STXBP6: variants seen among roughly 807,000 people sequenced by gnomAD.
STXBP6 encodes syntaxin binding protein 6.
In STXBP6, 21 loss-of-function variants were observed where a neutral mutation model predicts 26.9. The ratio of observed to expected loss-of-function variants is 0.78; its 90% CI spans 0.55 to 1.12. The LOEUF is 1.12. Ranked by LOEUF, STXBP6 falls within the 50% of genes most tolerant of loss-of-function variation. The probability of loss-of-function intolerance (pLI) is 0.00; values close to 1 mark genes in which losing one functional copy is unlikely to be tolerated. For synonymous variants in STXBP6, 97 were observed against 92.6 expected (o/e 1.05, Z -0.27); for missense variants, 232 against 257.9 (o/e 0.90, Z 0.69).
At chr14:24,887,034 A>C (rs1481086433) in intron 2 of STXBP6, among the ~76,000 whole-genome samples, 1 of 152,178 alleles carries the variant, frequency 6.6e-6, no homozygotes, top group Non-Finnish European at 1.5e-5. Flanking sequence ...TCCTACCCAA[A>C]GTGACATCAG....
Position 25,027,254 on chromosome 14 carries a change from G to A in STXBP6, c.-33+22624C>T, listed in dbSNP as rs148913879. Among the ~76,000 whole-genome samples the A allele has an allele frequency of 3.5e-4, 53 of 152,194 alleles. No individual in the cohort carries two copies. The East Asian group carries it at 8.5e-3, about 24-fold the overall frequency. Reference sequence around the variant, plus strand: ...CCCAGTGTGAAGCAAGTCTATCAGCGGCATCTTTCCAACAGCATGTGCCCA... The same window carrying A: ...CCCAGTGTGAAGCAAGTCTATCAGCAGCATCTTTCCAACAGCATGTGCCCA... On this transcript the variant is annotated intron_variant, in intron 1 of 5. Coordinates refer to ENST00000323944, the MANE Select transcript of STXBP6 (RefSeq NM_001394410.1).
At chr14:24,925,606 C>T (rs1427536027) in intron 2 of STXBP6, among the ~76,000 whole-genome samples, 1 of 152,186 alleles carries the variant, frequency 6.6e-6, no homozygotes, top group Non-Finnish European at 1.5e-5. Context: ...CATTTCTCCA[C>T]TCTGAAACTT....
chr14:24,985,144 C>A (rs2074299818), intron 1 of STXBP6, among the ~76,000 whole-genome samples: 1 of 152,218 alleles, frequency 6.6e-6, no homozygotes, highest in Non-Finnish European at 1.5e-5. Flanking sequence ...GCATATCATG[C>A]TGGTTCGTTG....
intron 2 of STXBP6, among the ~76,000 whole-genome samples, chr14:24,905,574 T>A (rs2071359150): frequency 6.6e-6 from 1 of 152,146 alleles, no homozygotes; most frequent in African/African-American, 2.4e-5. Context: ...TAACATGCAA[T>A]CTGTGGCTCT....
At chr14:24,831,449 G>T (rs2138912148) in intron 4 of STXBP6, among the ~76,000 whole-genome samples, 1 of 152,174 alleles carries the variant, frequency 6.6e-6, no homozygotes, top group Admixed American at 6.5e-5. Flanking sequence ...AAGTAACAAA[G>T]TTTTTAAAAT....
At chr14:24,855,893 C>A (rs745627451) in intron 4 of STXBP6, 43 bp downstream of exon 4, 1 of 1,545,682 alleles carries the variant, frequency 6.5e-7, no homozygotes, top group Non-Finnish European at 8.7e-7. Context: ...AAAAGTGAGT[C>A]TAAAGAAACA....
At chr14:24,834,784 G>C (rs918402366) in intron 4 of STXBP6, among the ~76,000 whole-genome samples, 2 of 152,184 alleles carry the variant, frequency 1.3e-5, no homozygotes, top group African/African-American at 4.8e-5. Context: ...ACCTGTGGGG[G>C]AGAAGGGCTT....
intron 1 of STXBP6, among the ~76,000 whole-genome samples, chr14:25,016,384 A>C (rs2075148249): frequency 6.6e-6 from 1 of 152,170 alleles, no homozygotes; most frequent in Non-Finnish European, 1.5e-5. Flanking sequence ...CAGAAATGGT[A>C]CCAGAGCCCT....
At chr14:24,962,957 T>C (rs980885189) in intron 2 of STXBP6, among the ~76,000 whole-genome samples, 1 of 151,990 alleles carries the variant, frequency 6.6e-6, no homozygotes, top group African/African-American at 2.4e-5. Context: ...ATTAAAATTA[T>C]CTTTATAATA....
At position 24,809,917 on chromosome 14, in the gene STXBP6, A is replaced by G. The variant is rs1211536152; in HGVS notation, c.*2792T>C. 2 of 152,254 alleles carry G rather than the reference A, an allele frequency of 1.3e-5. No homozygotes were observed. The highest frequency in any genetic ancestry group is 2.9e-5 in the Non-Finnish European group (2 of 68,040). 9.4% of individuals were successfully genotyped at this position (152,254 alleles called of 1,614,324 possible). A position where few individuals can be genotyped will look rare whatever the true frequency, so the allele number is the denominator to read the frequency against. ...CACAACCTTTGCTAGCCACAAAAGT[A>G]GTATTAAAACAGTTTTCACTGTAAC... On this transcript the variant is annotated 3_prime_UTR_variant, in exon 6 of 6. Transcript: ENST00000323944.
chr14:24,855,132 A>C (rs1425898353), intron 4 of STXBP6, among the ~76,000 whole-genome samples: 1 of 152,078 alleles, frequency 6.6e-6, no homozygotes, highest in Non-Finnish European at 1.5e-5. Flanking sequence ...CTGTATGTTC[A>C]TATGAAACAT....
chr14:24,880,757 A>G (rs975022931), intron 2 of STXBP6, among the ~76,000 whole-genome samples: 1 of 152,188 alleles, frequency 6.6e-6, no homozygotes, highest in African/African-American at 2.4e-5. Flanking sequence ...ACATGTCATG[A>G]ACTGATGATT....
intron 1 of STXBP6, among the ~76,000 whole-genome samples, chr14:24,997,228 C>T (rs892979214): frequency 6.6e-6 from 1 of 152,150 alleles, no homozygotes; most frequent in Non-Finnish European, 1.5e-5. Context: ...CACTCACATA[C>T]GCAGGTGCTC....
intron 4 of STXBP6, among the ~76,000 whole-genome samples, chr14:24,826,490 A>T (rs551899459): frequency 1.3e-5 from 2 of 152,298 alleles, no homozygotes; most frequent in South Asian, 4.1e-4. Context: ...ATCACCATGA[A>T]CATTCGTGAA....
intron 2 of STXBP6, among the ~76,000 whole-genome samples, chr14:24,969,927 C>T (rs181513058): frequency 1.3e-5 from 2 of 152,234 alleles, no homozygotes; most frequent in Admixed American, 1.3e-4. Flanking sequence ...CCACTAGCGA[C>T]TCTGTAAAAG....
intron 2 of STXBP6, among the ~76,000 whole-genome samples, chr14:24,912,983 T>C (rs2071628237): frequency 6.6e-6 from 1 of 152,200 alleles, no homozygotes; most frequent in South Asian, 2.1e-4. Context: ...CCTATTTTTC[T>C]TACTTACATA....
chr14:24,955,589 T>C (rs2073316999), intron 2 of STXBP6, among the ~76,000 whole-genome samples: 1 of 152,152 alleles, frequency 6.6e-6, no homozygotes, highest in African/African-American at 2.4e-5. Flanking sequence ...GCTGAAGTCA[T>C]AGCCCTCAGT....
intron 4 of STXBP6, among the ~76,000 whole-genome samples, chr14:24,827,483 C>G (rs2138858666): frequency 6.6e-6 from 1 of 152,224 alleles, no homozygotes; most frequent in Non-Finnish European, 1.5e-5. Flanking sequence ...TTCATTGTGT[C>G]AATTAATGGC....
chr14:24,975,325 A>G (rs2074016763), intron 1 of STXBP6, among the ~76,000 whole-genome samples: 1 of 152,238 alleles, frequency 6.6e-6, no homozygotes, highest in Non-Finnish European at 1.5e-5. Context: ...TTCATAATGG[A>G]AATAATTATA....
Sources: allele counts gnomAD v4.1 joint callset (sites outside exome capture counted in the v4.1 genomes callset), GRCh38; gene constraint gnomAD v4.1.1; transcripts MANE v1.5; gene names NCBI Gene and HGNC (gene_info 2026-07-23, HGNC 2026-07-21).